DGKB: variants seen among roughly 807,000 people sequenced by gnomAD.
The protein encoded by DGKB is 90 kDa diacylglycerol kinase.
Under a neutral mutation model 114.3 loss-of-function variants are expected in DGKB, and 67 were observed. The ratio of observed to expected loss-of-function variants is 0.59; its 90% CI spans 0.48 to 0.72. The LOEUF is 0.72. Among genes scored for constraint, DGKB ranks in the 30% least tolerant of loss-of-function variants. DGKB has a pLI of 0.00. For missense variants in DGKB, 907 were observed against 975.2 expected (o/e 0.93, Z 0.93); for synonymous variants, 398 against 323.1 (o/e 1.23, Z -2.49).
At position 14,661,095 on chromosome 7, in the gene DGKB, A is replaced by G. The variant is rs537374925; in HGVS notation, c.1134+11834T>C. 2.6e-3 allele frequency among the ~76,000 whole-genome samples: 402 copies of G among 151,922 alleles called. 1 individual carries two copies. The highest frequency in any genetic ancestry group is 9.1e-3 in the African/African-American group (378 of 41,456). ...CTTAAATGTTAGACCTAAAACCACA[A>G]AGACCCTAGAAGAAAACCTAGGCTT... is the stretch of plus-strand genomic sequence containing the variant. On this transcript the variant is annotated intron_variant, in intron 13 of 25. Coordinates refer to ENST00000402815, the MANE Select transcript of DGKB (RefSeq NM_001350709.2).
At chr7:14,892,268 A>C (rs1388933817) in intron 1 of DGKB, among the ~76,000 whole-genome samples, 1 of 151,410 alleles carries the variant, frequency 6.6e-6, no homozygotes, top group South Asian at 2.1e-4. Context: ...GATAACGTGG[A>C]AAGAAGTAGA....
intron 1 of DGKB, among the ~76,000 whole-genome samples, chr7:14,878,995 TA>T (rs1562795859): frequency 6.6e-6 from 1 of 151,870 alleles, no homozygotes; most frequent in African/African-American, 2.4e-5. Context: ...TATAGCTCTA[TA>T]AATTGTTATA....
intron 23 of DGKB, among the ~76,000 whole-genome samples, chr7:14,286,265 A>G (rs191868111): frequency 2.6e-5 from 4 of 152,258 alleles, no homozygotes; most frequent in Admixed American, 2.0e-4. Context: ...CCGTCTGAAA[A>G]ATGTGCCTCA....
chr7:14,835,203 A>G (rs1437623608), intron 2 of DGKB, among the ~76,000 whole-genome samples: 2 of 152,188 alleles, frequency 1.3e-5, no homozygotes, highest in East Asian at 3.8e-4. Flanking sequence ...TGTCAGGGTA[A>G]AGTCAAGACA....
At chr7:14,659,334 T>A (rs1816548808) in intron 13 of DGKB, among the ~76,000 whole-genome samples, 1 of 152,066 alleles carries the variant, frequency 6.6e-6, no homozygotes, top group Admixed American at 6.6e-5. Context: ...GTATGGCAAT[T>A]TTCACGATAT....
chr7:14,954,231 T>G (rs866702983), intron 1 of DGKB, among the ~76,000 whole-genome samples: 7 of 152,174 alleles, frequency 4.6e-5, no homozygotes, highest in Middle Eastern at 3.4e-3. Context: ...GATTCTGCAT[T>G]TCTAACAAGC....
At chr7:14,456,386 C>T (rs1832289441) in intron 21 of DGKB, among the ~76,000 whole-genome samples, 1 of 152,032 alleles carries the variant, frequency 6.6e-6, no homozygotes, top group African/African-American at 2.4e-5. Context: ...AGCTAAAAAA[C>T]ATAATCATTG....
intron 1 of DGKB, among the ~76,000 whole-genome samples, chr7:14,872,690 C>T (rs217562): frequency 0.91 from 138,416 of 152,008 alleles, 63,483 homozygotes; most frequent in Non-Finnish European, 0.96. Context: ...AGATACTGTG[C>T]GGCCTCAAGG....
chr7:14,315,407 A>T (rs1806281130), intron 23 of DGKB, among the ~76,000 whole-genome samples: 7 of 150,620 alleles, frequency 4.6e-5, no homozygotes, highest in Admixed American at 4.6e-4. Flanking sequence ...GCAGAGACAC[A>T]CATGGGCTCA....
At chr7:14,531,960 A>G (rs888329190) in intron 20 of DGKB, among the ~76,000 whole-genome samples, 2 of 151,136 alleles carry the variant, frequency 1.3e-5, no homozygotes, top group African/African-American at 2.4e-5. Flanking sequence ...AGATAATTAG[A>G]TACCAATATG....
At chr7:14,949,420 T>C (rs1384082826) in intron 1 of DGKB, among the ~76,000 whole-genome samples, 2 of 151,740 alleles carry the variant, frequency 1.3e-5, no homozygotes, top group African/African-American at 2.4e-5. Context: ...ATTACACACA[T>C]CATATAGAAA....
chr7:14,588,274 T>G (rs1055034909), intron 17 of DGKB, among the ~76,000 whole-genome samples: 4 of 152,154 alleles, frequency 2.6e-5, no homozygotes, highest in African/African-American at 9.6e-5. Flanking sequence ...GAATAACTTT[T>G]TTTTCAAATA....
At chr7:14,925,315 C>T (rs1037860461) in intron 1 of DGKB, among the ~76,000 whole-genome samples, 2 of 152,150 alleles carry the variant, frequency 1.3e-5, no homozygotes, top group Non-Finnish European at 2.9e-5. Context: ...AGTCACATGG[C>T]AATTGTCATC....
chr7:14,161,599 A>G (rs956999288), intron 25 of DGKB, among the ~76,000 whole-genome samples: 3 of 152,144 alleles, frequency 2.0e-5, no homozygotes, highest in African/African-American at 7.2e-5. Context: ...TCTCACTCAT[A>G]ATTCAGAATT....
At chr7:14,323,068 T>C (rs1808103433) in intron 23 of DGKB, among the ~76,000 whole-genome samples, 1 of 152,150 alleles carries the variant, frequency 6.6e-6, no homozygotes, top group Non-Finnish European at 1.5e-5. Flanking sequence ...CAGAAAAATA[T>C]ATAATCTTCA....
intron 23 of DGKB, among the ~76,000 whole-genome samples, chr7:14,294,052 G>T (rs1802156460): frequency 6.6e-6 from 1 of 152,050 alleles, no homozygotes; most frequent in African/African-American, 2.4e-5. Flanking sequence ...CTTTCTGGAG[G>T]CTCAATGGAA....
chr7:14,163,990 C>T (rs1784279216), intron 25 of DGKB, among the ~76,000 whole-genome samples: 1 of 150,260 alleles, frequency 6.7e-6, no homozygotes, highest in African/African-American at 2.5e-5. Context: ...AGAGAAACTC[C>T]ATCTCAAAAA....
chr7:14,805,938 T>C (rs1005966930), intron 2 of DGKB, among the ~76,000 whole-genome samples: 2 of 151,082 alleles, frequency 1.3e-5, no homozygotes, highest in African/African-American at 4.8e-5. Context: ...CCAGTTCAAA[T>C]GGTTTCAGAT....
At chr7:14,393,730 G>A in intron 21 of DGKB, among the ~76,000 whole-genome samples, 1 of 152,016 alleles carries the variant, frequency 6.6e-6, no homozygotes, top group East Asian at 1.9e-4. Flanking sequence ...AATCCACCTT[G>A]GTTAGAGAAC....
Sources: allele counts gnomAD v4.1 joint callset (sites outside exome capture counted in the v4.1 genomes callset), GRCh38; gene constraint gnomAD v4.1.1; transcripts MANE v1.5; gene names NCBI Gene and HGNC (gene_info 2026-07-23, HGNC 2026-07-21).